Variants in DYNC1I1 observed in about 807,000 individuals in gnomAD.
DYNC1I1 encodes dynein cytoplasmic 1 intermediate chain 1, also known as cytoplasmic dynein 1 intermediate chain 1.
A neutral mutation model predicts 86.6 loss-of-function variants in DYNC1I1; 43 were observed. That is an observed-to-expected ratio of 0.50 (90% CI 0.39 to 0.64). DYNC1I1 has a LOEUF of 0.64. DYNC1I1 is among the 30% of genes least tolerant of loss of function. The probability of loss-of-function intolerance (pLI) is 0.00; values close to 1 mark genes in which losing one functional copy is unlikely to be tolerated. For missense variants in DYNC1I1, 604 were observed against 788.8 expected (o/e 0.77, Z 2.81); for synonymous variants, 262 against 283.7 (o/e 0.92, Z 0.77).
intron 14 of DYNC1I1, among the ~76,000 whole-genome samples, chr7:96,073,234 G>T (rs1291389652): frequency 1.3e-5 from 2 of 152,138 alleles, no homozygotes; most frequent in African/African-American, 4.8e-5. Flanking sequence ...ATAATAAAAG[G>T]CTCAGTCTTG....
intron 6 of DYNC1I1, among the ~76,000 whole-genome samples, chr7:95,933,582 C>G (rs1791960129): frequency 6.6e-6 from 1 of 152,146 alleles, no homozygotes; most frequent in Non-Finnish European, 1.5e-5. Flanking sequence ...TGGGTTTTGG[C>G]AAAACCTATA....
intron 6 of DYNC1I1, among the ~76,000 whole-genome samples, chr7:95,911,245 A>G (rs1351513385): frequency 6.6e-6 from 1 of 152,184 alleles, no homozygotes; most frequent in African/African-American, 2.4e-5. Flanking sequence ...TGGAGGTTCG[A>G]ACTTGTCAGT....
intron 14 of DYNC1I1, among the ~76,000 whole-genome samples, chr7:96,043,165 C>CT (rs1205156763): frequency 1.2e-4 from 16 of 129,138 alleles, no homozygotes; most frequent in African/African-American, 4.7e-4. Flanking sequence ...GAGACTCCAT[C>CT]TCAAAAAAAA....
At chr7:95,826,504 A>G (rs1165520579) in intron 4 of DYNC1I1, among the ~76,000 whole-genome samples, 1 of 152,222 alleles carries the variant, frequency 6.6e-6, no homozygotes, top group Non-Finnish European at 1.5e-5. Flanking sequence ...CATTCATTCA[A>G]CAAATATCGT....
At chr7:96,001,929 T>A (rs549344795) in intron 10 of DYNC1I1, among the ~76,000 whole-genome samples, 1 of 152,304 alleles carries the variant, frequency 6.6e-6, no homozygotes, top group Admixed American at 6.5e-5. Flanking sequence ...TCTCTTTACA[T>A]CTGTTTGTTT....
chr7:95,992,919 A>G lies in DYNC1I1; in HGVS notation c.844-3029A>G, dbSNP rs137942611. On this transcript the variant is annotated intron_variant, in intron 9 of 16. Coordinates refer to ENST00000447467, the MANE Select transcript of DYNC1I1 (RefSeq NM_001135556.2). ...TGCCGGCCTCAGCCACTGCGCCCCA[A>G]CTAGGTTTCATTTATTTGTTAGAAA... Among the ~76,000 whole-genome samples the G allele has an allele frequency of 2.6e-3, 398 of 152,106 alleles. 5 individuals are homozygous for G. The highest frequency in any genetic ancestry group is 2.6e-3 in the Non-Finnish European group (177 of 67,996).
intron 1 of DYNC1I1, chr7:95,804,360 GA>G: frequency 1.6e-6 from 2 of 1,277,208 alleles, no homozygotes; most frequent in African/African-American, 3.1e-5. Context: ...ATCTAAATTG[GA>G]AGTCATGATG....
chr7:95,941,210 T>TG (rs1188349692), intron 6 of DYNC1I1, among the ~76,000 whole-genome samples: 1 of 151,946 alleles, frequency 6.6e-6, no homozygotes, highest in Non-Finnish European at 1.5e-5. Context: ...CTGCCCCTAC[T>TG]GGGGGGTGCC....
chr7:95,949,264 A>G (rs1339272562), intron 6 of DYNC1I1, among the ~76,000 whole-genome samples: 1 of 152,226 alleles, frequency 6.6e-6, no homozygotes, highest in East Asian at 1.9e-4. Context: ...AGCTCTGGAG[A>G]TCCAGTTCAG....
At chr7:95,994,806 A>G (rs1793817040) in intron 9 of DYNC1I1, among the ~76,000 whole-genome samples, 2 of 152,232 alleles carry the variant, frequency 1.3e-5, no homozygotes, top group Non-Finnish European at 2.9e-5. Flanking sequence ...AGGTCAGTAT[A>G]GGAAGCCATT....
chr7:95,893,575 C>G (rs574629959), intron 6 of DYNC1I1, among the ~76,000 whole-genome samples: 2 of 152,240 alleles, frequency 1.3e-5, no homozygotes, highest in South Asian at 4.1e-4. Flanking sequence ...AATTGCTTGG[C>G]TGAGAACATG....
chr7:95,996,499 A>G (rs1253144408), intron 10 of DYNC1I1, among the ~76,000 whole-genome samples: 1 of 152,248 alleles, frequency 6.6e-6, no homozygotes, highest in African/African-American at 2.4e-5. Flanking sequence ...TGGGCGCCAT[A>G]CTACTTAACA....
intron 5 of DYNC1I1, among the ~76,000 whole-genome samples, chr7:95,846,619 C>CTG (rs1486874846): frequency 1.9e-5 from 2 of 105,024 alleles, no homozygotes; most frequent in East Asian, 4.1e-4. Context: ...AATGATAAAT[C>CTG]TCTCTCTCTG....
At chr7:96,045,591 A>G (rs910179573) in intron 14 of DYNC1I1, among the ~76,000 whole-genome samples, 7 of 152,188 alleles carry the variant, frequency 4.6e-5, no homozygotes, top group Non-Finnish European at 8.8e-5. Context: ...GCAAGTGAGA[A>G]GCTGACCCTC....
intron 5 of DYNC1I1, among the ~76,000 whole-genome samples, chr7:95,852,985 A>C (rs1030932521): frequency 6.6e-6 from 1 of 152,080 alleles, no homozygotes; most frequent in Non-Finnish European, 1.5e-5. Context: ...TTGTCTCAAG[A>C]AATTTTTACA....
chr7:96,039,370 C>G lies in DYNC1I1; in HGVS notation c.1458C>G (p.His486Gln). The stretch of plus-strand genomic sequence containing the variant: ...CAGTGGGCCCAATCGACTTTTCTCA[C>G]CTGTTTGTCACATCATCATTTGACT... Reference protein sequence around the residue: ...HMAVGPIDFSHLFVTSSFDWT... With the variant: ...HMAVGPIDFSQLFVTSSFDWT... The change falls in exon 14 of 17, where the codon CAC becomes CAG. Residue 486 changes from histidine to glutamine, a missense_variant. His to Gln is a conservative substitution (Grantham distance 24). Coordinates refer to ENST00000447467, the MANE Select transcript of DYNC1I1 (RefSeq NM_001135556.2). 1 of 1,614,114 alleles carries G rather than the reference C, an allele frequency of 6.2e-7. No individual in the cohort carries two copies. Among genetic ancestry groups the G allele is most frequent in the Non-Finnish European group, 8.5e-7 (1 of 1,179,984 alleles).
chr7:95,852,739 C>T (rs928110240), intron 5 of DYNC1I1, among the ~76,000 whole-genome samples: 1 of 152,100 alleles, frequency 6.6e-6, no homozygotes, highest in African/African-American at 2.4e-5. Flanking sequence ...CTCCTGACCT[C>T]AGGTGATCTG....
intron 6 of DYNC1I1, among the ~76,000 whole-genome samples, chr7:95,875,005 G>A (rs1423417010): frequency 6.6e-6 from 1 of 152,186 alleles, no homozygotes; most frequent in Non-Finnish European, 1.5e-5. Context: ...TGTAGTCACT[G>A]CTGGCTTGGA....
At chr7:96,065,756 T>C (rs923129155) in intron 14 of DYNC1I1, among the ~76,000 whole-genome samples, 9 of 152,170 alleles carry the variant, frequency 5.9e-5, no homozygotes, top group Non-Finnish European at 1.3e-4. Flanking sequence ...AGGCCCACTC[T>C]CTCTTTCAAC....
Sources: allele counts gnomAD v4.1 joint callset (sites outside exome capture counted in the v4.1 genomes callset), GRCh38; gene constraint gnomAD v4.1.1; transcripts MANE v1.5; gene names NCBI Gene and HGNC (gene_info 2026-07-23, HGNC 2026-07-21).